Variants in LINGO2 observed in about 807,000 individuals in gnomAD.
LINGO2 encodes the protein leucine rich repeat and Ig domain containing 2, also known as leucine-rich repeat and immunoglobulin-like domain-containing nogo receptor-interacting protein 2.
Under a neutral mutation model 30.6 loss-of-function variants are expected in LINGO2, and 14 were observed. The observed-to-expected ratio is 0.46, with a 90% confidence interval of 0.30 to 0.72. The LOEUF (loss-of-function observed/expected upper bound fraction) is 0.72. Ranked by LOEUF, LINGO2 falls within the 30% of genes least tolerant of loss-of-function variation. The pLI is 0.07. For missense variants in LINGO2, 729 were observed against 751.7 expected (o/e 0.97, Z 0.35); for synonymous variants, 317 against 288.5 (o/e 1.10, Z -1.00).
At chr9:28,824,532 T>A in the LINGO2 span, among the ~76,000 whole-genome samples, 1 of 152,096 alleles carries the variant, frequency 6.6e-6, no homozygotes, top group Non-Finnish European at 1.5e-5. Flanking sequence ...GAATGGCAAA[T>A]CAGTTTCAAG....
intron 1 of LINGO2, among the ~76,000 whole-genome samples, chr9:28,635,403 G>C (rs1479121074): frequency 1.3e-5 from 2 of 152,116 alleles, no homozygotes; most frequent in African/African-American, 4.8e-5. Flanking sequence ...CATGATGACA[G>C]TAGTAAAAGT....
At chr9:28,616,789 C>T (rs1193182686) in intron 1 of LINGO2, among the ~76,000 whole-genome samples, 1 of 152,160 alleles carries the variant, frequency 6.6e-6, no homozygotes, top group African/African-American at 2.4e-5. Flanking sequence ...TCTCTACTTA[C>T]ATGAAAGATT....
the LINGO2 span, among the ~76,000 whole-genome samples, chr9:28,805,520 T>C: frequency 6.0e-4 from 92 of 152,324 alleles, no homozygotes; most frequent in East Asian, 0.017. Context: ...ACAGATTGTT[T>C]TGTATACATA....
chr9:28,213,834 G>A (rs1412262057), intron 4 of LINGO2, among the ~76,000 whole-genome samples: 1 of 151,354 alleles, frequency 6.6e-6, no homozygotes, highest in East Asian at 1.9e-4. Context: ...ACTCCACACA[G>A]TATGGTGAAT....
chr9:28,519,928 G>A (rs1166490526), intron 1 of LINGO2, among the ~76,000 whole-genome samples: 2 of 151,992 alleles, frequency 1.3e-5, no homozygotes, highest in African/African-American at 4.8e-5. Flanking sequence ...ACCATTTTGA[G>A]TTTACTTTCA....
the LINGO2 span, among the ~76,000 whole-genome samples, chr9:29,017,970 C>G: frequency 6.6e-6 from 1 of 151,020 alleles, no homozygotes; most frequent in Non-Finnish European, 1.5e-5. Context: ...ACAAGGCTTA[C>G]AACTTAGGTG....
chr9:28,622,610 A>C (rs938657633), intron 1 of LINGO2, among the ~76,000 whole-genome samples: 1 of 152,058 alleles, frequency 6.6e-6, no homozygotes, highest in Non-Finnish European at 1.5e-5. Flanking sequence ...ATGGACACTT[A>C]GGTTGCTTCC....
intron 4 of LINGO2, among the ~76,000 whole-genome samples, chr9:28,246,633 C>G (rs1822009713): frequency 6.6e-6 from 1 of 151,896 alleles, no homozygotes; most frequent in Non-Finnish European, 1.5e-5. Flanking sequence ...AATATAAAAC[C>G]CAAAACCATA....
chr9:28,552,959 A>C lies in LINGO2; in HGVS notation c.-364-76934T>G, dbSNP rs577884851. Among the ~76,000 whole-genome samples the C allele has an allele frequency of 4.6e-5, 7 of 151,008 alleles. No homozygotes were observed. In the East Asian group the frequency reaches 1.2e-3, roughly 25 times the overall value. On this transcript the variant is annotated intron_variant, in intron 1 of 5. Transcript: ENST00000379992. ...TCACATCTTTGAGGATATTAATCCC[A>C]GATATTTTGAAGCTTTCTTTTGGTG...
At chr9:28,312,898 T>A (rs1236478958) in intron 3 of LINGO2, among the ~76,000 whole-genome samples, 1 of 152,178 alleles carries the variant, frequency 6.6e-6, no homozygotes, top group Non-Finnish European at 1.5e-5. Flanking sequence ...AAACTTGACC[T>A]TCTTGTTTTT....
chr9:28,309,246 G>A (rs552644927), intron 3 of LINGO2, among the ~76,000 whole-genome samples: 3 of 152,146 alleles, frequency 2.0e-5, no homozygotes, highest in East Asian at 1.9e-4. Context: ...GGAATACTAC[G>A]CAGCCATAAA....
chr9:28,234,015 T>C (rs1471355200), intron 4 of LINGO2, among the ~76,000 whole-genome samples: 1 of 152,100 alleles, frequency 6.6e-6, no homozygotes, highest in African/African-American at 2.4e-5. Context: ...CCACCTATGG[T>C]GGCTATAGTG....
At chr9:28,366,263 C>T (rs1413374702) in intron 3 of LINGO2, among the ~76,000 whole-genome samples, 3 of 152,178 alleles carry the variant, frequency 2.0e-5, no homozygotes, top group African/African-American at 2.4e-5. Flanking sequence ...ACTTAGTTTA[C>T]TTATTCATCA....
the LINGO2 span, among the ~76,000 whole-genome samples, chr9:29,023,812 A>C: frequency 6.6e-6 from 1 of 152,170 alleles, no homozygotes; most frequent in Non-Finnish European, 1.5e-5. Flanking sequence ...TGATCTTATA[A>C]GATTACAGGC....
chr9:27,948,988 G>A, exon 6 of LINGO2: 1 of 1,613,940 alleles, frequency 6.2e-7, no homozygotes. Flanking sequence ...ACAAAAAGGA[G>A]AAGAAAACAA....
At chr9:28,759,005 C>T in the LINGO2 span, among the ~76,000 whole-genome samples, 1 of 151,950 alleles carries the variant, frequency 6.6e-6, no homozygotes, top group African/African-American at 2.4e-5. Context: ...CCTTAGTCAA[C>T]CTTTCATTTA....
At chr9:28,627,278 A>G (rs1826723949) in intron 1 of LINGO2, among the ~76,000 whole-genome samples, 2 of 151,942 alleles carry the variant, frequency 1.3e-5, no homozygotes, top group African/African-American at 4.8e-5. Flanking sequence ...TGTTGAGCAG[A>G]CTCAGTGATT....
At chr9:28,512,593 G>GTATATATA (rs770866133) in intron 1 of LINGO2, among the ~76,000 whole-genome samples, 4 of 10,576 alleles carry the variant, frequency 3.8e-4, no homozygotes, top group Admixed American at 1.6e-3. Flanking sequence ...ATATATGTGT[G>GTATATATA]TATATATATA....
chr9:28,825,398 T>C, the LINGO2 span, among the ~76,000 whole-genome samples: 1 of 151,366 alleles, frequency 6.6e-6, no homozygotes. Context: ...CAGGTAAGTT[T>C]GGCAAGCAGG....
Sources: allele counts gnomAD v4.1 joint callset (sites outside exome capture counted in the v4.1 genomes callset), GRCh38; gene constraint gnomAD v4.1.1; transcripts MANE v1.5; gene names NCBI Gene and HGNC (gene_info 2026-07-23, HGNC 2026-07-21).